SPIDR: variants seen among roughly 807,000 people sequenced by gnomAD.
SPIDR encodes DNA repair-scaffolding protein.
SPIDR carries 93 observed loss-of-function variants against 104.6 expected under a neutral mutation model. That is an observed-to-expected ratio of 0.89 (90% CI 0.75 to 1.06). The LOEUF is 1.06. Among genes scored for constraint, SPIDR ranks in the 50% least tolerant of loss-of-function variants. The pLI, the probability that SPIDR is intolerant of heterozygous loss-of-function variation, is 0.00. For missense variants in SPIDR, 1,154 were observed against 1,111.2 expected (o/e 1.04, Z -0.55); for synonymous variants, 431 against 416.9 (o/e 1.03, Z -0.41).
intron 10 of SPIDR, among the ~76,000 whole-genome samples, chr8:47,655,753 G>T (rs1407505040): frequency 6.6e-6 from 1 of 152,126 alleles, no homozygotes; most frequent in East Asian, 1.9e-4. Context: ...GTCAATTTTG[G>T]CTTTTGTTGC....
At chr8:47,618,386 A>G (rs949699369) in intron 10 of SPIDR, among the ~76,000 whole-genome samples, 2 of 152,220 alleles carry the variant, frequency 1.3e-5, no homozygotes, top group African/African-American at 4.8e-5. Context: ...AGGTGCATAC[A>G]TTAACTCAAA....
chr8:47,387,269 G>A (rs2060066902), intron 5 of SPIDR, among the ~76,000 whole-genome samples: 1 of 152,182 alleles, frequency 6.6e-6, no homozygotes, highest in African/African-American at 2.4e-5. Context: ...GGGGCCACCT[G>A]AGGGCTTAGA....
chr8:47,648,908 G>C (rs1021713034), intron 10 of SPIDR, among the ~76,000 whole-genome samples: 2 of 152,128 alleles, frequency 1.3e-5, no homozygotes, highest in Non-Finnish European at 2.9e-5. Flanking sequence ...TTGGAAATTT[G>C]ATAAGGAATA....
At chr8:47,611,521 A>AC (rs1348851861) in intron 10 of SPIDR, among the ~76,000 whole-genome samples, 1 of 152,034 alleles carries the variant, frequency 6.6e-6, no homozygotes, top group Non-Finnish European at 1.5e-5. Context: ...ACACAGTGAA[A>AC]CCCCGTCTCT....
At chr8:47,693,910 G>A (rs543551214) in intron 11 of SPIDR, among the ~76,000 whole-genome samples, 10 of 152,356 alleles carry the variant, frequency 6.6e-5, no homozygotes, top group Admixed American at 3.3e-4. Context: ...GCAGCGCTAA[G>A]AGCCCTTCTC....
intron 10 of SPIDR, 187 bp from the exon 11 acceptor site, chr8:47,673,614 C>T: frequency 2.8e-6 from 2 of 719,654 alleles, no homozygotes; most frequent in East Asian, 2.8e-5. Flanking sequence ...CTGACTCACC[C>T]ATTTAGGAAG....
intron 14 of SPIDR, among the ~76,000 whole-genome samples, chr8:47,703,714 A>G (rs2080662964): frequency 6.6e-6 from 1 of 152,232 alleles, no homozygotes; most frequent in Admixed American, 6.5e-5. Flanking sequence ...CATAAAAACC[A>G]TACTTAGCTT....
chr8:47,436,589 GGT>G (rs2068365185), intron 7 of SPIDR, among the ~76,000 whole-genome samples: 1 of 152,138 alleles, frequency 6.6e-6, no homozygotes, highest in Non-Finnish European at 1.5e-5. Flanking sequence ...TGGATGTTAT[GGT>G]GGTGCGAGCC....
intron 6 of SPIDR, among the ~76,000 whole-genome samples, chr8:47,397,481 G>A (rs559958623): frequency 6.6e-6 from 1 of 152,136 alleles, no homozygotes; most frequent in Non-Finnish European, 1.5e-5. Context: ...GGGCAACAGG[G>A]CAAGACTCCG....
chr8:47,707,025 G>A lies in SPIDR; in HGVS notation c.1977+5010G>A, dbSNP rs539411762. On this transcript the variant is annotated intron_variant, in intron 14 of 19. Coordinates refer to ENST00000297423, the MANE Select transcript of SPIDR (RefSeq NM_001080394.4). ...ACCAGCACTTTGGGAGGCCGAGGCA[G>A]GTACATCATCTGAGGTCAGGAATTG... Among the ~76,000 whole-genome samples the A allele has an allele frequency of 1.7e-4, 26 of 152,162 alleles. 1 individual carries two copies. Among genetic ancestry groups the A allele is most frequent in the Admixed American group, 1.7e-3 (26 of 15,272 alleles).
chr8:47,369,985 C>A (rs1321801533), intron 5 of SPIDR, among the ~76,000 whole-genome samples: 1 of 151,200 alleles, frequency 6.6e-6, no homozygotes, highest in Non-Finnish European at 1.5e-5. Flanking sequence ...GTAAAGAAAT[C>A]TCTTTTTTTT....
chr8:47,731,898 C>T (rs1411842326), intron 19 of SPIDR, among the ~76,000 whole-genome samples: 1 of 152,162 alleles, frequency 6.6e-6, no homozygotes, highest in African/African-American at 2.4e-5. Context: ...TGGGAGAAAG[C>T]ATTAGAAACG....
chr8:47,553,748 A>G (rs1367418114), intron 8 of SPIDR, among the ~76,000 whole-genome samples: 2 of 152,188 alleles, frequency 1.3e-5, no homozygotes, highest in Non-Finnish European at 2.9e-5. Flanking sequence ...TTCTTCTCTC[A>G]GTTTGTCAAA....
intron 8 of SPIDR, among the ~76,000 whole-genome samples, chr8:47,582,085 C>T (rs914252770): frequency 3.3e-5 from 5 of 151,856 alleles, no homozygotes; most frequent in Admixed American, 3.3e-4. Flanking sequence ...GGCGTGGTGG[C>T]GGGTGCCTGT....
At chr8:47,560,978 C>T (rs1281339205) in intron 8 of SPIDR, among the ~76,000 whole-genome samples, 1 of 152,224 alleles carries the variant, frequency 6.6e-6, no homozygotes, top group Non-Finnish European at 1.5e-5. Context: ...AGGTAGTTCA[C>T]ACCTAGCTTC....
chr8:47,364,701 A>G (rs910334966), intron 5 of SPIDR, among the ~76,000 whole-genome samples: 2 of 152,168 alleles, frequency 1.3e-5, no homozygotes, highest in African/African-American at 2.4e-5. Flanking sequence ...TTTTTCAGGA[A>G]GTCTTTTCGG....
At chr8:47,366,994 A>G (rs1659772966) in intron 5 of SPIDR, among the ~76,000 whole-genome samples, 1 of 152,174 alleles carries the variant, frequency 6.6e-6, no homozygotes, top group Non-Finnish European at 1.5e-5. Context: ...TGCATAATCC[A>G]TGGGACTGTG....
At chr8:47,270,885 G>A (rs1727411039) in intron 1 of SPIDR, among the ~76,000 whole-genome samples, 1 of 151,852 alleles carries the variant, frequency 6.6e-6, no homozygotes, top group Admixed American at 6.6e-5. Context: ...TTTATTGTAA[G>A]GTTTAAATTT....
At chr8:47,627,528 G>A (rs536968232) in intron 10 of SPIDR, among the ~76,000 whole-genome samples, 4 of 152,134 alleles carry the variant, frequency 2.6e-5, no homozygotes, top group South Asian at 2.1e-4. Context: ...ATTTTCATAC[G>A]AAAACCAAAG....
Sources: gnomAD v4.1 joint callset for allele counts (sites outside exome capture counted in the v4.1 genomes callset) on GRCh38, gnomAD v4.1.1 for gene constraint, MANE v1.5 for transcripts, NCBI Gene and HGNC (gene_info 2026-07-23, HGNC 2026-07-21) for gene names.